Variants in KCNH1 observed in about 807,000 individuals in gnomAD.
KCNH1 encodes the protein potassium voltage-gated channel subfamily H member 1.
KCNH1 carries 27 observed loss-of-function variants against 69.2 expected under a neutral mutation model. The ratio of observed to expected loss-of-function variants is 0.39; its 90% CI spans 0.29 to 0.54. KCNH1 has a LOEUF of 0.54. KCNH1 is among the 20% of genes least tolerant of loss of function. KCNH1 has a pLI of 0.68. For missense variants in KCNH1, 798 were observed against 1,261.6 expected (o/e 0.63, Z 5.57); for synonymous variants, 456 against 487.7 (o/e 0.93, Z 0.86).
chr1:210,890,077 T>C (rs1359577409), intron 7 of KCNH1, among the ~76,000 whole-genome samples: 2 of 151,982 alleles, frequency 1.3e-5, no homozygotes, highest in East Asian at 3.9e-4. Context: ...AAAGAGCCCA[T>C]ATGCCCAAGA....
intron 5 of KCNH1, among the ~76,000 whole-genome samples, chr1:211,026,177 A>G (rs1360824999): frequency 6.6e-6 from 1 of 152,134 alleles, no homozygotes; most frequent in Non-Finnish European, 1.5e-5. Flanking sequence ...ATTTTTCCCT[A>G]TTCCTCCCTC....
chr1:210,861,067 C>T, intron 7 of KCNH1: 1 of 926,948 alleles, frequency 1.1e-6, no homozygotes, highest in Non-Finnish European at 1.8e-6. Flanking sequence ...GTACCTCCTT[C>T]CTCTTACTAT....
chr1:211,040,162 G>A (rs1689966837), intron 5 of KCNH1, among the ~76,000 whole-genome samples: 1 of 146,330 alleles, frequency 6.8e-6, no homozygotes, highest in Non-Finnish European at 1.5e-5. Flanking sequence ...CTGCACTCTA[G>A]TCTGGGCAAC....
At chr1:210,700,919 T>C (rs1251361425) in intron 10 of KCNH1, among the ~76,000 whole-genome samples, 1 of 151,970 alleles carries the variant, frequency 6.6e-6, no homozygotes, top group Non-Finnish European at 1.5e-5. Flanking sequence ...GTTTGTACTT[T>C]TTAGTTTCTT....
intron 10 of KCNH1, among the ~76,000 whole-genome samples, chr1:210,725,436 G>A (rs1342565635): frequency 6.6e-6 from 1 of 152,178 alleles, no homozygotes; most frequent in Non-Finnish European, 1.5e-5. Context: ...ATCTAAGAAA[G>A]CTTCCAGTCT....
At chr1:210,725,871 A>C (rs1205410375) in intron 10 of KCNH1, among the ~76,000 whole-genome samples, 1 of 151,868 alleles carries the variant, frequency 6.6e-6, no homozygotes, top group Non-Finnish European at 1.5e-5. Context: ...GCTTCTCCTC[A>C]CCCTTCAAGA....
At position 210,892,920 on chromosome 1, in the gene KCNH1, A is replaced by G. The variant is rs115444010; in HGVS notation, c.1462+26720T>C. 1.3e-3 allele frequency among the ~76,000 whole-genome samples: 201 copies of G among 152,318 alleles called. 1 individual carries two copies. Among genetic ancestry groups the G allele is most frequent in the African/African-American group, 4.8e-3 (199 of 41,574 alleles). ...GCTCATAAATTCCTAGAAGAGTTAT[A>G]CAAGTAGACAATTATATTATCATGA... On this transcript the variant is annotated intron_variant, in intron 7 of 10. Transcript: ENST00000271751.
chr1:210,936,989 C>T (rs1445305422), intron 6 of KCNH1, among the ~76,000 whole-genome samples: 1 of 152,140 alleles, frequency 6.6e-6, no homozygotes, highest in South Asian at 2.1e-4. Context: ...TCTGCAGATT[C>T]CACTTCCTTT....
In KCNH1 at chr1:210,679,938, T is replaced by TGAA. The variant is rs1681221998; in HGVS notation, c.*3342_*3343insTTC. On this transcript the variant is annotated 3_prime_UTR_variant, in exon 11 of 11. Coordinates refer to ENST00000271751, the MANE Select transcript of KCNH1 (RefSeq NM_172362.3). ...CTTATTAGCATAATGTAGCATTGCA[T>TGAA]TAATGCAATGAGTTGCATTCATGAA... is the stretch of plus-strand genomic sequence containing the variant. The TGAA allele has an allele frequency of 6.6e-6, 1 of 152,210 alleles. No individual in the cohort carries two copies. Among genetic ancestry groups the TGAA allele is most frequent in the Non-Finnish European group, 1.5e-5 (1 of 68,044 alleles). The allele number at this position is 152,210 out of a possible 1,614,324, so 9.4% of individuals were successfully genotyped here. A position where few individuals can be genotyped will look rare whatever the true frequency, so the allele number is the denominator to read the frequency against.
intron 7 of KCNH1, among the ~76,000 whole-genome samples, chr1:210,898,686 G>C (rs1686926291): frequency 6.6e-6 from 1 of 151,916 alleles, no homozygotes. Flanking sequence ...GGCGGCGGGG[G>C]GGGGTCCTGT....
chr1:210,749,064 G>C (rs917579558), intron 10 of KCNH1, among the ~76,000 whole-genome samples: 5 of 152,110 alleles, frequency 3.3e-5, no homozygotes, highest in Non-Finnish European at 7.4e-5. Context: ...TCCTGCTTTC[G>C]GTAGCCAGGT....
intron 6 of KCNH1, among the ~76,000 whole-genome samples, chr1:210,977,476 C>T (rs1688636653): frequency 6.6e-6 from 1 of 151,774 alleles, no homozygotes; most frequent in Admixed American, 6.6e-5. Flanking sequence ...TTTTGTCCAA[C>T]AGTACCCCCA....
intron 6 of KCNH1, among the ~76,000 whole-genome samples, chr1:210,940,148 C>A (rs1419949311): frequency 3.9e-5 from 6 of 152,190 alleles, no homozygotes; most frequent in Non-Finnish European, 8.8e-5. Flanking sequence ...CAATTTTCTT[C>A]CCTTCCATTG....
At chr1:210,745,911 A>G (rs1043166023) in intron 10 of KCNH1, among the ~76,000 whole-genome samples, 4 of 151,384 alleles carry the variant, frequency 2.6e-5, no homozygotes, top group African/African-American at 4.9e-5. Flanking sequence ...GAGAAAGGTC[A>G]CCCTGGCACT....
intron 5 of KCNH1, among the ~76,000 whole-genome samples, chr1:211,040,688 A>G (rs1393040247): frequency 6.6e-6 from 1 of 152,178 alleles, no homozygotes; most frequent in African/African-American, 2.4e-5. Flanking sequence ...TTTTGCAGAG[A>G]ATGGTCAGAG....
intron 3 of KCNH1, among the ~76,000 whole-genome samples, chr1:211,099,718 G>A (rs187202270): frequency 7.6e-4 from 116 of 152,188 alleles, no homozygotes; most frequent in Admixed American, 2.0e-3. Context: ...ACTCCTCAAT[G>A]TCAGCTCCCA....
chr1:211,115,811 A>T (rs759450149), intron 1 of KCNH1, among the ~76,000 whole-genome samples: 2 of 151,194 alleles, frequency 1.3e-5, no homozygotes, highest in Non-Finnish European at 3.0e-5. Flanking sequence ...AAAGTGATCT[A>T]CAGATTAAAT....
intron 6 of KCNH1, among the ~76,000 whole-genome samples, chr1:210,959,275 C>T (rs537949085): frequency 7.2e-5 from 11 of 152,218 alleles, no homozygotes; most frequent in African/African-American, 2.4e-4. Context: ...GCTGCCTGAT[C>T]CCTCCTCTGG....
chr1:210,916,090 A>G (rs1207632211), intron 7 of KCNH1, among the ~76,000 whole-genome samples: 1 of 152,080 alleles, frequency 6.6e-6, no homozygotes, highest in Non-Finnish European at 1.5e-5. Context: ...AATGCTCCCC[A>G]TTACTGTTGA....
Sources: gnomAD v4.1 joint callset for allele counts (sites outside exome capture counted in the v4.1 genomes callset) on GRCh38, gnomAD v4.1.1 for gene constraint, MANE v1.5 for transcripts, NCBI Gene and HGNC (gene_info 2026-07-23, HGNC 2026-07-21) for gene names.